The following KDM4C variants were observed in gnomAD, a reference collection of about 807,000 sequenced individuals.
KDM4C encodes lysine-specific demethylase 4C.
In KDM4C, 81 loss-of-function variants were observed where a neutral mutation model predicts 129.3. The observed-to-expected ratio is 0.63, with a 90% confidence interval of 0.52 to 0.75. The LOEUF (loss-of-function observed/expected upper bound fraction) is 0.75. Ranked by LOEUF, KDM4C falls within the 30% of genes least tolerant of loss-of-function variation. The probability of loss-of-function intolerance (pLI) is 0.00; values close to 1 mark genes in which losing one functional copy is unlikely to be tolerated. For synonymous variants in KDM4C, 573 were observed against 456.1 expected, an observed-to-expected ratio of 1.26 and a Z score of -3.26; for missense variants, 1,457 against 1,304.0, an observed-to-expected ratio of 1.12 and a Z score of -1.81.
intron 1 of KDM4C, among the ~76,000 whole-genome samples, chr9:6,786,128 T>G (rs1825433686): frequency 7.6e-6 from 1 of 131,396 alleles, no homozygotes; most frequent in South Asian, 2.5e-4. Context: ...AGAAGTTGTT[T>G]AAGAGAATAC....
intron 4 of KDM4C, among the ~76,000 whole-genome samples, chr9:6,842,799 C>T (rs1024477834): frequency 3.9e-5 from 6 of 152,120 alleles, no homozygotes; most frequent in Admixed American, 1.3e-4. Context: ...CCAATACCCA[C>T]GTTTTTTGAC....
chr9:6,793,902 C>T (rs958829397), intron 2 of KDM4C, among the ~76,000 whole-genome samples: 1 of 152,024 alleles, frequency 6.6e-6, no homozygotes. Flanking sequence ...TTGTATAATG[C>T]ATCCATTTAA....
At chr9:6,729,123 G>GAAAAA (rs1554663576) in intron 1 of KDM4C, among the ~76,000 whole-genome samples, 17 of 74,966 alleles carry the variant, frequency 2.3e-4, no homozygotes, top group African/African-American at 5.1e-4. Flanking sequence ...AGAATTGCTT[G>GAAAAA]AACCCGGGAA....
intron 8 of KDM4C, among the ~76,000 whole-genome samples, chr9:6,910,302 T>A (rs992041276): frequency 6.6e-6 from 1 of 152,146 alleles, no homozygotes; most frequent in Non-Finnish European, 1.5e-5. Context: ...CTTCATTGAG[T>A]CCTTACTTTG....
intron 1 of KDM4C, among the ~76,000 whole-genome samples, chr9:6,750,453 A>AG (rs113566420): frequency 0.015 from 2,250 of 150,554 alleles, 26 homozygotes; most frequent in Non-Finnish European, 0.025. Context: ...AAAAAAAAAA[A>AG]GCTCTTCACG....
intron 15 of KDM4C, among the ~76,000 whole-genome samples, chr9:7,022,505 G>T (rs911202788): frequency 4.3e-4 from 66 of 151,982 alleles, no homozygotes; most frequent in African/African-American, 1.4e-3. Flanking sequence ...TTGATTTTCT[G>T]CACCTTTACT....
In KDM4C at chr9:6,957,410, G is replaced by T. The variant is rs145979940; in HGVS notation, c.922-23515G>T. 2.3e-3 allele frequency among the ~76,000 whole-genome samples: 356 copies of T among 152,230 alleles called. 2 individuals are homozygous for T. The highest frequency in any genetic ancestry group is 8.4e-3 in the African/African-American group (348 of 41,538). ...GGGTTTTTGGCATTCGCTTTCCATT[G>T]AAACTCTCTTATGGGACCCTGTTCT... On this transcript the variant is annotated intron_variant, in intron 8 of 21. Transcript: ENST00000381309.
chr9:6,832,040 T>G (rs547012656), intron 4 of KDM4C, among the ~76,000 whole-genome samples: 1 of 152,190 alleles, frequency 6.6e-6, no homozygotes, highest in Non-Finnish European at 1.5e-5. Context: ...ATATACAGTT[T>G]AAATAGTTGA....
At chr9:6,866,918 T>C (rs1842075380) in intron 5 of KDM4C, among the ~76,000 whole-genome samples, 2 of 147,168 alleles carry the variant, frequency 1.4e-5, no homozygotes, top group African/African-American at 4.9e-5. Flanking sequence ...TATATATATA[T>C]ATATAGAAAA....
chr9:6,735,442 A>G (rs1423216162), intron 1 of KDM4C, among the ~76,000 whole-genome samples: 4 of 152,190 alleles, frequency 2.6e-5, no homozygotes, highest in Non-Finnish European at 5.9e-5. Flanking sequence ...CTTGAATTGT[A>G]ACTCCCATAA....
intron 4 of KDM4C, among the ~76,000 whole-genome samples, chr9:6,827,466 TAG>T (rs1252086164): frequency 6.6e-6 from 1 of 152,210 alleles, no homozygotes; most frequent in Non-Finnish European, 1.5e-5. Flanking sequence ...ACCAAGGTGT[TAG>T]ACATAGTGGC....
intron 12 of KDM4C, among the ~76,000 whole-genome samples, chr9:7,008,510 C>T (rs1012021695): frequency 6.6e-6 from 1 of 152,190 alleles, no homozygotes; most frequent in Non-Finnish European, 1.5e-5. Context: ...GGATGTAGAG[C>T]AGCACTTGTG....
At chr9:6,793,794 C>T (rs374286022) in intron 2 of KDM4C, among the ~76,000 whole-genome samples, 2 of 152,056 alleles carry the variant, frequency 1.3e-5, no homozygotes, top group East Asian at 1.9e-4. Flanking sequence ...CCATCCGCCT[C>T]GGCTTCCCAA....
chr9:6,969,978 A>C (rs548595617), intron 8 of KDM4C, among the ~76,000 whole-genome samples: 3 of 152,120 alleles, frequency 2.0e-5, no homozygotes, highest in African/African-American at 7.2e-5. Flanking sequence ...ACACATTCCC[A>C]CTGTACCTCA....
chr9:7,162,762 C>A (rs1843935468), intron 19 of KDM4C, among the ~76,000 whole-genome samples: 1 of 152,020 alleles, frequency 6.6e-6, no homozygotes, highest in Non-Finnish European at 1.5e-5. Context: ...GAGGCCGTAA[C>A]TCTCCTGCTT....
intron 8 of KDM4C, among the ~76,000 whole-genome samples, chr9:6,931,892 G>A (rs568198889): frequency 1.3e-5 from 2 of 152,322 alleles, no homozygotes; most frequent in East Asian, 3.9e-4. Flanking sequence ...TTAGAGAATT[G>A]TAATTAATTG....
At chr9:6,951,292 G>T (rs1828098993) in intron 8 of KDM4C, among the ~76,000 whole-genome samples, 1 of 152,096 alleles carries the variant, frequency 6.6e-6, no homozygotes. Context: ...CTGTAACTTT[G>T]TATCCTTTAA....
chr9:6,834,855 TG>T, intron 4 of KDM4C: 1 of 1,359,252 alleles, frequency 7.4e-7, no homozygotes, highest in Non-Finnish European at 1.1e-6. Context: ...GCCATGTACA[TG>T]GCCATCCAGC....
Position 6,981,137 on chromosome 9 carries a change from A to G in KDM4C, c.1115+19A>G. On this transcript the variant is annotated intron_variant, in intron 9 of 21. Transcript: ENST00000381309. Reference sequence around the variant, plus strand: ...CCCGAAGGTAATGACCCCTCACCCCACTGACCTGCCTTGCCTGTCGTGTTT... The same window carrying G: ...CCCGAAGGTAATGACCCCTCACCCCGCTGACCTGCCTTGCCTGTCGTGTTT... 1 of 1,584,306 alleles carries G rather than the reference A, an allele frequency of 6.3e-7. No individual in the cohort carries two copies. The highest frequency in any genetic ancestry group is 8.6e-7 in the Non-Finnish European group (1 of 1,166,736).
Sources: gnomAD v4.1 joint callset for allele counts (sites outside exome capture counted in the v4.1 genomes callset) on GRCh38, gnomAD v4.1.1 for gene constraint, MANE v1.5 for transcripts, NCBI Gene and HGNC (gene_info 2026-07-23, HGNC 2026-07-21) for gene names.